Variants in GABPB1 observed in about 807,000 individuals in gnomAD.
GABPB1 encodes GA-binding protein subunit beta-1.
GABPB1 carries 15 observed loss-of-function variants against 45.9 expected under a neutral mutation model. The observed-to-expected ratio is 0.33, with a 90% CI of 0.22 to 0.50. GABPB1 has a LOEUF of 0.50. GABPB1 is among the 20% of genes least tolerant of loss of function. The pLI, the probability that GABPB1 is intolerant of heterozygous loss-of-function variation, is 0.98. For missense variants in GABPB1, 252 were observed against 457.5 expected, an observed-to-expected ratio of 0.55 and a Z score of 4.10; for synonymous variants, 143 against 154.4, an observed-to-expected ratio of 0.93 and a Z score of 0.55.
intron 6 of GABPB1, among the ~76,000 whole-genome samples, chr15:50,299,101 A>T (rs936592790): frequency 2.6e-5 from 4 of 152,234 alleles, no homozygotes; most frequent in Non-Finnish European, 5.9e-5. Context: ...TAAAATATTT[A>T]TCACAGTGCC....
At chr15:50,284,194 G>A (rs940678445) in intron 8 of GABPB1, among the ~76,000 whole-genome samples, 1 of 152,072 alleles carries the variant, frequency 6.6e-6, no homozygotes, top group Non-Finnish European at 1.5e-5. Context: ...ACGACTTCAT[G>A]TATTATAAGG....
chr15:50,283,850 A>G (rs2046075090), intron 8 of GABPB1, among the ~76,000 whole-genome samples: 1 of 152,210 alleles, frequency 6.6e-6, no homozygotes, highest in South Asian at 2.1e-4. Context: ...CACTCTGGTC[A>G]TTGCAGTCAC....
intron 1 of GABPB1, among the ~76,000 whole-genome samples, chr15:50,323,660 G>T (rs2047652231): frequency 6.6e-6 from 1 of 152,138 alleles, no homozygotes; most frequent in African/African-American, 2.4e-5. Flanking sequence ...AGAAGCTCAA[G>T]ACCAGCCTGG....
chr15:50,287,854 G>A, intron 7 of GABPB1, among the ~76,000 whole-genome samples: 1 of 152,146 alleles, frequency 6.6e-6, no homozygotes, highest in South Asian at 2.1e-4. Flanking sequence ...GGACAGAATG[G>A]CCTCCAGGCT....
chr15:50,286,107 G>C lies in GABPB1; in HGVS notation c.960C>G (p.Ile320Met), dbSNP rs778242078. The C allele has an allele frequency of 6.2e-7, 1 of 1,611,692 alleles. No homozygotes were observed. Among genetic ancestry groups the C allele is most frequent in the Non-Finnish European group, 8.5e-7 (1 of 1,178,842 alleles). Residue 320 changes from isoleucine (I) to methionine (M), a missense_variant, in exon 8 of 9, where the codon ATC becomes ATG. Transcript: ENST00000380877. Reference protein sequence around the residue: ...SEEPPAKRQCIEIIENRVESA... With the variant: ...SEEPPAKRQCMEIIENRVESA... The stretch of plus-strand genomic sequence containing the variant: ...ATTCCACCCGGTTTTCAATTATTTC[G>C]ATACATTGTCTCTTAGCTGGTGGTT...
At chr15:50,349,312 T>C (rs929136168) in intron 1 of GABPB1, 2 of 151,968 alleles carry the variant, frequency 1.3e-5, no homozygotes, top group African/African-American at 4.8e-5. Context: ...ACCCTAAGAG[T>C]TTGAATGGTG....
At chr15:50,285,684 G>C (rs1020837908) in intron 8 of GABPB1, among the ~76,000 whole-genome samples, 5 of 151,892 alleles carry the variant, frequency 3.3e-5, no homozygotes, top group Non-Finnish European at 7.4e-5. Flanking sequence ...AGGACCCCTA[G>C]CCCAATTAGG....
intron 1 of GABPB1, among the ~76,000 whole-genome samples, chr15:50,317,704 T>G (rs2047392760): frequency 6.6e-6 from 1 of 152,052 alleles, no homozygotes; most frequent in Admixed American, 6.5e-5. Flanking sequence ...GGTCAGGAGA[T>G]TGACACCATC....
intron 1 of GABPB1, among the ~76,000 whole-genome samples, chr15:50,339,386 C>A (rs1224573012): frequency 6.6e-6 from 1 of 151,848 alleles, no homozygotes; most frequent in Non-Finnish European, 1.5e-5. Flanking sequence ...GTAATCCCAG[C>A]TATCTGGTAG....
chr15:50,326,278 C>A (rs2047759489), intron 1 of GABPB1, among the ~76,000 whole-genome samples: 1 of 152,138 alleles, frequency 6.6e-6, no homozygotes, highest in South Asian at 2.1e-4. Context: ...TTTTGGAAAG[C>A]CAAGGTGGGA....
At chr15:50,329,693 G>T (rs1375640110) in intron 1 of GABPB1, among the ~76,000 whole-genome samples, 1 of 152,008 alleles carries the variant, frequency 6.6e-6, no homozygotes. Flanking sequence ...TATAATTTTT[G>T]AATGTGTATT....
At chr15:50,345,836 C>T (rs1176147411) in intron 1 of GABPB1, among the ~76,000 whole-genome samples, 2 of 151,996 alleles carry the variant, frequency 1.3e-5, no homozygotes, top group Non-Finnish European at 2.9e-5. Context: ...CTCAGCCTCC[C>T]GAGTAGCTGG....
chr15:50,330,756 A>C (rs1040806986), intron 1 of GABPB1, among the ~76,000 whole-genome samples: 1 of 152,256 alleles, frequency 6.6e-6, no homozygotes, highest in Admixed American at 6.5e-5. Flanking sequence ...AGCAATATAT[A>C]GCATAATCTC....
intron 6 of GABPB1, among the ~76,000 whole-genome samples, chr15:50,289,969 A>G (rs1207153603): frequency 6.6e-6 from 1 of 151,880 alleles, no homozygotes; most frequent in Non-Finnish European, 1.5e-5. Flanking sequence ...GGGTCTTGCT[A>G]TGTTGGCCAG....
intron 1 of GABPB1, among the ~76,000 whole-genome samples, chr15:50,317,667 T>C (rs1050433660): frequency 2.0e-4 from 31 of 152,072 alleles, no homozygotes; most frequent in African/African-American, 7.2e-4. Flanking sequence ...CCCAGCACTT[T>C]GGGAGGCCGA....
At chr15:50,281,435 T>C (rs558689610) in intron 8 of GABPB1, among the ~76,000 whole-genome samples, 2 of 152,080 alleles carry the variant, frequency 1.3e-5, no homozygotes, top group Non-Finnish European at 2.9e-5. Flanking sequence ...ATGGTCTCAA[T>C]CTCCTGACCT....
intron 1 of GABPB1, among the ~76,000 whole-genome samples, chr15:50,346,587 G>GTTTTTTTT (rs67151288): frequency 1.2e-4 from 14 of 119,904 alleles, no homozygotes; most frequent in African/African-American, 1.6e-4. Context: ...ACAACAGAAA[G>GTTTTTTTT]TTTTTTTTTT....
intron 1 of GABPB1, among the ~76,000 whole-genome samples, chr15:50,331,297 A>G (rs2047939475): frequency 6.6e-6 from 1 of 152,238 alleles, no homozygotes; most frequent in East Asian, 1.9e-4. Flanking sequence ...TAAAAAGCCG[A>G]GAGTGTGTAG....
chr15:50,287,012 A>T lies in GABPB1; in HGVS notation c.884-829T>A, dbSNP rs1239249516. Reference sequence around the variant, plus strand: ...GTTATAAATGTAAATAAAAATTTAAAAATAGTAAAACTAATATTTATTTAG... The same window carrying T: ...GTTATAAATGTAAATAAAAATTTAATAATAGTAAAACTAATATTTATTTAG... On this transcript the variant is annotated intron_variant, in intron 7 of 8. Coordinates refer to ENST00000380877, the MANE Select transcript of GABPB1 (RefSeq NM_016654.5). 2.6e-5 allele frequency among the ~76,000 whole-genome samples: 4 copies of T among 152,314 alleles called. 1 individual carries two copies. Among genetic ancestry groups the T allele is most frequent in the African/African-American group, 9.6e-5 (4 of 41,584 alleles).
Sources: allele counts gnomAD v4.1 joint callset (sites outside exome capture counted in the v4.1 genomes callset), GRCh38; gene constraint gnomAD v4.1.1; transcripts MANE v1.5; gene names NCBI Gene and HGNC (gene_info 2026-07-23, HGNC 2026-07-21).